Variants in HYKK observed in about 807,000 individuals in gnomAD.
HYKK encodes the protein hydroxylysine kinase, also known as 5-hydroxy-L-lysine kinase.
Under a neutral mutation model 29.7 loss-of-function variants are expected in HYKK, and 19 were observed. The observed-to-expected ratio is 0.64, with a 90% CI of 0.45 to 0.94. HYKK has a LOEUF of 0.94. Among genes scored for constraint, HYKK ranks in the 40% least tolerant of loss-of-function variants. The pLI, the probability that HYKK is intolerant of heterozygous loss-of-function variation, is 0.00. For missense variants in HYKK, 390 were observed against 443.4 expected (o/e 0.88, Z 1.08); for synonymous variants, 152 against 158.1 (o/e 0.96, Z 0.29).
At chr15:78,519,122 A>G (rs569529905) in intron 3 of HYKK, among the ~76,000 whole-genome samples, 8 of 152,264 alleles carry the variant, frequency 5.3e-5, no homozygotes, top group African/African-American at 1.9e-4. Flanking sequence ...TCTCTGAACC[A>G]TTTATTCCAT....
chr15:78,528,785 G>A, intron 4 of HYKK: 2 of 904,782 alleles, frequency 2.2e-6, no homozygotes, highest in Non-Finnish European at 2.6e-6. Context: ...CTGGGCAACA[G>A]AGCGAAATCC....
In HYKK at chr15:78,513,186, A is replaced by G; in HGVS notation, c.98A>G (p.Lys33Arg). The change falls in exon 2 of 5, where the codon AAA (lysine) becomes AGA (arginine). Residue 33 changes from lysine to arginine, a missense_variant. Coordinates refer to ENST00000388988, the MANE Select transcript of HYKK (RefSeq NM_001013619.4). ...TTAGTGGAGTCAGTGTTTGGGTTGA[A>G]AGTTTCCAAGGTCCGGCCACTTCCT... ...SALVESVFGL[K>R]VSKVRPLPSY... The G allele has an allele frequency of 6.2e-7, 1 of 1,614,172 alleles. No homozygotes were observed. The highest frequency in any genetic ancestry group is 8.5e-7 in the Non-Finnish European group (1 of 1,180,020).
At chr15:78,527,644 A>G in intron 4 of HYKK, 81 bp downstream of exon 4, 1 of 1,525,058 alleles carries the variant, frequency 6.6e-7, no homozygotes, top group Non-Finnish European at 8.8e-7. Flanking sequence ...TGGAGGTACA[A>G]TTTAGCTTTA....
chr15:78,508,878 T>G (rs1409557829), intron 1 of HYKK, among the ~76,000 whole-genome samples: 2 of 4,134 alleles, frequency 4.8e-4, no homozygotes, highest in Non-Finnish European at 1.0e-3. Flanking sequence ...ACCCTCTCTC[T>G]CCAAAAAAAA....
chr15:78,515,612 A>G (rs1202926583), intron 3 of HYKK, among the ~76,000 whole-genome samples: 1 of 147,726 alleles, frequency 6.8e-6, no homozygotes, highest in East Asian at 2.0e-4. Flanking sequence ...TTTTTGAGAC[A>G]GAATCTCGCT....
chr15:78,530,870 GTTTGTT>G (rs1182459522), intron 4 of HYKK, among the ~76,000 whole-genome samples: 2 of 151,696 alleles, frequency 1.3e-5, no homozygotes, highest in African/African-American at 4.8e-5. Flanking sequence ...TTTTTTGTTT[GTTTGTT>G]TTTGTTTTTT....
In HYKK at chr15:78,527,573, C is replaced by G; in HGVS notation, c.661+10C>G. The G allele has an allele frequency of 1.2e-6, 2 of 1,611,490 alleles. No homozygotes were observed. Among genetic ancestry groups the G allele is most frequent in the South Asian group, 2.2e-5 (2 of 90,944 alleles). On this transcript the variant is annotated intron_variant, in intron 4 of 4. Transcript: ENST00000388988. ...AGTCATTTTCGAGAATGTGAGTATTCTCCCAATTAAGTATTTTTCTTGATA... is the reference window on the plus strand; with the variant it reads ...AGTCATTTTCGAGAATGTGAGTATTGTCCCAATTAAGTATTTTTCTTGATA...
chr15:78,515,542 A>G (rs964515777), intron 3 of HYKK, among the ~76,000 whole-genome samples: 1 of 151,636 alleles, frequency 6.6e-6, no homozygotes, highest in African/African-American at 2.4e-5. Flanking sequence ...AGATCACACC[A>G]CTATACTCCA....
intron 4 of HYKK, among the ~76,000 whole-genome samples, chr15:78,531,678 C>T (rs1241369898): frequency 6.6e-6 from 1 of 152,066 alleles, no homozygotes; most frequent in Non-Finnish European, 1.5e-5. Context: ...ACTACAGGTG[C>T]CCACCACCAC....
chr15:78,518,898 C>G (rs1430791454), intron 3 of HYKK: 3 of 134,226 alleles, frequency 2.2e-5, no homozygotes, highest in African/African-American at 8.6e-5. Context: ...CTGGACAAGA[C>G]AGAGCAAGAC....
At chr15:78,507,852 C>T (rs2052029355) in intron 1 of HYKK, among the ~76,000 whole-genome samples, 181 bp downstream of exon 1, 1 of 152,212 alleles carries the variant, frequency 6.6e-6, no homozygotes, top group African/African-American at 2.4e-5. Flanking sequence ...CCCTTCTTCC[C>T]GGACCTCACC....
chr15:78,522,801 C>A (rs1375694281), intron 3 of HYKK, among the ~76,000 whole-genome samples: 1 of 151,896 alleles, frequency 6.6e-6, no homozygotes, highest in African/African-American at 2.4e-5. Flanking sequence ...ATCAGTTGAA[C>A]CTTGGTGGCA....
At chr15:78,515,140 ATGTT>A in intron 3 of HYKK, 33 bp downstream of exon 3, 4 of 1,479,238 alleles carry the variant, frequency 2.7e-6, no homozygotes, top group Non-Finnish European at 3.6e-6. Context: ...ATTCTAAGGG[ATGTT>A]TGTTTGCTTG....
intron 1 of HYKK, among the ~76,000 whole-genome samples, chr15:78,510,959 T>A (rs35655887): frequency 9.1e-6 from 1 of 109,766 alleles, no homozygotes; most frequent in South Asian, 2.6e-4. Flanking sequence ...CATGAGATTC[T>A]TTTTTTTTTT....
chr15:78,509,125 C>CT (rs2052046602), intron 1 of HYKK, among the ~76,000 whole-genome samples: 1 of 151,398 alleles, frequency 6.6e-6, no homozygotes. Context: ...ATATTTTTTT[C>CT]TTTGTTTTTA....
chr15:78,533,701 T>C lies in HYKK; in HGVS notation c.*31T>C. On this transcript the variant is annotated 3_prime_UTR_variant, in exon 5 of 5. Transcript: ENST00000388988. Reference sequence around the variant, plus strand: ...ATCTCCATGTGACTCAAAGTTCACTTTAACTTGGGTAATTAAAATAGGACC... The same window carrying C: ...ATCTCCATGTGACTCAAAGTTCACTCTAACTTGGGTAATTAAAATAGGACC... 1 of 1,513,880 alleles carries C rather than the reference T, an allele frequency of 6.6e-7. No individual in the cohort carries two copies. Among genetic ancestry groups the C allele is most frequent in the Non-Finnish European group, 9.1e-7 (1 of 1,098,866 alleles). The allele number at this position is 1,513,880 out of a possible 1,614,324, so 93.8% of individuals were successfully genotyped here.
At chr15:78,514,441 G>C (rs567953298) in intron 2 of HYKK, among the ~76,000 whole-genome samples, 6 of 152,084 alleles carry the variant, frequency 3.9e-5, no homozygotes, top group Admixed American at 6.5e-5. Context: ...TCTCTTAATT[G>C]TTCACCATTC....
chr15:78,513,291 A>T lies in HYKK; in HGVS notation c.203A>T (p.Asn68Ile). The T allele has an allele frequency of 6.2e-7, 1 of 1,614,230 alleles. No individual in the cohort carries two copies. Among genetic ancestry groups the T allele is most frequent in the East Asian group, 2.2e-5 (1 of 44,888 alleles). ...GPTEYVLKIS[N>I]TKASKNPDLI... ...ACTGAATATGTCCTCAAAATAAGCA[A>T]CACCAAGGCTAGCAAAAATCCAGAC... is the stretch of plus-strand genomic sequence containing the variant. The change falls in exon 2 of 5, where the codon AAC (asparagine) becomes ATC (isoleucine). Residue 68 changes from asparagine (N) to isoleucine (I), a missense_variant. By Grantham distance (149) the Asn-to-Ile change is moderately radical. Transcript: ENST00000388988.
chr15:78,517,031 AAAAG>A (rs1555411379), intron 3 of HYKK, among the ~76,000 whole-genome samples: 12 of 151,952 alleles, frequency 7.9e-5, no homozygotes, highest in African/African-American at 1.4e-4. Flanking sequence ...AAAAAAAGAA[AAAAG>A]AAAGAAAGAA....
Sources: gnomAD v4.1 joint callset for allele counts (sites outside exome capture counted in the v4.1 genomes callset) on GRCh38, gnomAD v4.1.1 for gene constraint, MANE v1.5 for transcripts, NCBI Gene and HGNC (gene_info 2026-07-23, HGNC 2026-07-21) for gene names.